Variants in KLB observed in about 807,000 individuals in gnomAD.
The protein encoded by KLB is beta-klotho.
KLB carries 44 observed loss-of-function variants against 88.4 expected under a neutral mutation model. That is an observed-to-expected ratio of 0.50 (90% CI 0.39 to 0.64). The LOEUF (loss-of-function observed/expected upper bound fraction) is 0.64. Ranked by LOEUF, KLB falls within the 30% of genes least tolerant of loss-of-function variation. The pLI, the probability that KLB is intolerant of heterozygous loss-of-function variation, is 0.00. For missense variants in KLB, 1,137 were observed against 1,304.8 expected, an observed-to-expected ratio of 0.87 and a Z score of 1.98; for synonymous variants, 548 against 513.4, an observed-to-expected ratio of 1.07 and a Z score of -0.91.
At chr4:39,414,177 T>G (rs1195196755) in intron 1 of KLB, among the ~76,000 whole-genome samples, 1 of 152,098 alleles carries the variant, frequency 6.6e-6, no homozygotes, top group African/African-American at 2.4e-5. Flanking sequence ...AACAAGGACA[T>G]TGACATGTAA....
chr4:39,411,943 T>C (rs185737153), intron 1 of KLB: 2 of 151,700 alleles, frequency 1.3e-5, no homozygotes, highest in Admixed American at 1.3e-4. Flanking sequence ...TGAGCTTATG[T>C]ATGCATCTGC....
chr4:39,447,112 C>T lies in KLB; in HGVS notation c.2386C>T (p.Arg796Trp), dbSNP rs749658949. 2 of 1,613,288 alleles carry T rather than the reference C, an allele frequency of 1.2e-6. No individual in the cohort carries two copies. The highest frequency in any genetic ancestry group is 3.3e-5 in the Admixed American group (2 of 60,012). ...MREYIASKHRRGLSSSALPRL... is the reference protein window; with the variant it reads ...MREYIASKHRWGLSSSALPRL... ...GGAATACATTGCCTCCAAGCACCGA[C>T]GGGGGCTTTCCAGCTCGGCCCTGCC... The change falls in exon 4 of 5, where the codon CGG becomes TGG. Residue 796 changes from arginine to tryptophan, a missense_variant. By Grantham distance (101) the Arg-to-Trp change is moderately radical. This residue lies in a region of KLB where 426 missense variants were observed against 404.6 expected (regional missense o/e 1.05). Coordinates refer to ENST00000257408, the MANE Select transcript of KLB (RefSeq NM_175737.4).
Position 39,446,372 on chromosome 4 carries a change from A to T in KLB, c.1646A>T (p.His549Leu). The T allele has an allele frequency of 1.2e-6, 2 of 1,614,166 alleles. No individual in the cohort carries two copies. The highest frequency in any genetic ancestry group is 1.7e-6 in the Non-Finnish European group (2 of 1,180,030). The change falls in exon 4 of 5, where the codon CAT becomes CTT. Residue 549 changes from histidine (H) to leucine (L), a missense_variant. This residue lies in a region of KLB where 597 missense variants were observed against 765.2 expected (regional missense o/e 0.78). Transcript: ENST00000257408. The surrounding 1 kb of genome is among the most constrained non-coding windows in gnomAD (Gnocchi z 6.4). ...TCGTCCCCACAGTTCAGCGATCCTCATCTGTACGTGTGGAACGCCACTGGC... is the reference window on the plus strand; with the variant it reads ...TCGTCCCCACAGTTCAGCGATCCTCTTCTGTACGTGTGGAACGCCACTGGC... ...VASSPQFSDP[H>L]LYVWNATGNR... is the part of the protein sequence containing the mutation.
chr4:39,449,006 TG>T lies in KLB; in HGVS notation c.*322del, dbSNP rs1743827867. On this transcript the variant is annotated 3_prime_UTR_variant, in exon 5 of 5. Coordinates refer to ENST00000257408, the MANE Select transcript of KLB (RefSeq NM_175737.4). The stretch of plus-strand genomic sequence containing the variant: ...TTTCATCTCTACCAATAGCTACTTG[TG>T]GTACAATAAATTATTTTTAAGAAGT... The T allele has an allele frequency of 9.0e-6, 2 of 222,392 alleles. No homozygotes were observed. Among genetic ancestry groups the T allele is most frequent in the African/African-American group, 4.6e-5 (2 of 43,952 alleles). 13.8% of individuals were successfully genotyped at this position (222,392 alleles called of 1,614,324 possible). A position where few individuals can be genotyped will look rare whatever the true frequency, so the allele number is the denominator to read the frequency against.
At chr4:39,412,323 A>G (rs1351320869) in intron 1 of KLB, among the ~76,000 whole-genome samples, 1 of 152,166 alleles carries the variant, frequency 6.6e-6, no homozygotes, top group Non-Finnish European at 1.5e-5. Flanking sequence ...CCAGGTAACT[A>G]TTATCCTCAT....
rs760688256 is a variant in KLB, at chr4:39,434,659, G to A, written c.1275G>A (p.Val425=). ...ATGGCTGGTTCACAGACAGTCGTGT[G>A]AAAACAGAAGACACCACGGCCATCT... ...AENGWFTDSR[V]KTEDTTAIYM... The change falls in exon 2 of 5, where the codon GTG becomes GTA. Residue 425 remains valine (V), a synonymous_variant. Transcript: ENST00000257408. 3 of 1,613,954 alleles carry A rather than the reference G, an allele frequency of 1.9e-6. No individual in the cohort carries two copies. The East Asian group carries it at 6.7e-5, about 36-fold the overall frequency.
chr4:39,433,093 C>G (rs868762907), intron 1 of KLB, among the ~76,000 whole-genome samples: 1 of 151,956 alleles, frequency 6.6e-6, no homozygotes, highest in African/African-American at 2.4e-5. Context: ...TTGGCCAGGC[C>G]GGTCTCAAAC....
intron 1 of KLB, among the ~76,000 whole-genome samples, chr4:39,410,145 A>T (rs1207985504): frequency 6.6e-6 from 1 of 152,236 alleles, no homozygotes; most frequent in African/African-American, 2.4e-5. Context: ...TTGAAAAGTC[A>T]TTACCTGGAA....
chr4:39,438,747 A>G (rs570234250), intron 3 of KLB, among the ~76,000 whole-genome samples: 1 of 152,354 alleles, frequency 6.6e-6, no homozygotes, highest in Non-Finnish European at 1.5e-5. Context: ...GAACCAGGTG[A>G]ATGAATGAGC....
Position 39,448,703 on chromosome 4 carries a change from G to A in KLB, c.*17G>A, listed in dbSNP as rs1743820253. On this transcript the variant is annotated 3_prime_UTR_variant, in exon 5 of 5. Coordinates refer to ENST00000257408, the MANE Select transcript of KLB (RefSeq NM_175737.4). ...GTTAGCTAAACTGATCTGTCTGCAT[G>A]ATAGACAGTTTAAAAATTCATCCCA... 1 of 1,589,112 alleles carries A rather than the reference G, an allele frequency of 6.3e-7. No homozygotes were observed. The highest frequency in any genetic ancestry group is 1.1e-5 in the South Asian group (1 of 89,222).
At chr4:39,436,722 T>C (rs987960401) in intron 2 of KLB, among the ~76,000 whole-genome samples, 11 of 151,924 alleles carry the variant, frequency 7.2e-5, no homozygotes, top group Admixed American at 2.0e-4. Context: ...TGTTTTTTTT[T>C]CCCTGAGATG....
rs371027347 is a variant in KLB, at chr4:39,407,445, G to A, written c.496G>A (p.Val166Ile). The A allele has an allele frequency of 1.2e-5, 19 of 1,614,032 alleles. No individual in the cohort carries two copies. In the South Asian group the frequency reaches 1.8e-4, roughly 15 times the overall value. ...GCTTTTCCCCGATGGAATAGTAACA[G>A]TTGCCAACGCAAAAGGTCTGCAGTA... Reference protein sequence around the residue: ...PRLFPDGIVTVANAKGLQYYS... With the variant: ...PRLFPDGIVTIANAKGLQYYS... The change falls in exon 1 of 5, where the codon GTT becomes ATT. Residue 166 changes from valine to isoleucine, a missense_variant. Coordinates refer to ENST00000257408, the MANE Select transcript of KLB (RefSeq NM_175737.4).
chr4:39,434,725 GTTGTACACTTGCTTAATTT>G lies in KLB; in HGVS notation c.1336+8_1336+26del, dbSNP rs1255890950. 6.3e-7 allele frequency: 1 copy of G among 1,581,116 alleles called. No individual in the cohort carries two copies. Among genetic ancestry groups the G allele is most frequent in the South Asian group, 1.2e-5 (1 of 85,824 alleles). ...TCCTCAGCCAGGTGCTTCAAGGTTG[GTTGTACACTTGCTTAATTT>G]TTTAAAAATTCTAAAAACTTACAGG... On this transcript the variant is annotated splice_donor_region_variant and intron_variant, in intron 2 of 4. Coordinates refer to ENST00000257408, the MANE Select transcript of KLB (RefSeq NM_175737.4).
Position 39,439,179 on chromosome 4 carries a change from T to C in KLB, c.1605+1184T>C, listed in dbSNP as rs576273794. Among the ~76,000 whole-genome samples, 19 of 152,154 alleles carry C rather than the reference T, an allele frequency of 1.2e-4. No individual in the cohort carries two copies. In the South Asian group the frequency reaches 2.7e-3, roughly 22 times the overall value. ...TGCCCAGCTAATTTTTTGATTTTTTTGTACAGACAGAGTCTTACTATGTTG... is the reference window on the plus strand; with the variant it reads ...TGCCCAGCTAATTTTTTGATTTTTTCGTACAGACAGAGTCTTACTATGTTG... On this transcript the variant is annotated intron_variant, in intron 3 of 4. Coordinates refer to ENST00000257408, the MANE Select transcript of KLB (RefSeq NM_175737.4).
At chr4:39,419,673 G>C (rs555211441) in intron 1 of KLB, among the ~76,000 whole-genome samples, 158 of 151,788 alleles carry the variant, frequency 1.0e-3, no homozygotes, top group African/African-American at 3.6e-3. Context: ...CTACTCGGGA[G>C]GCTGAGGCTG....
In KLB at chr4:39,448,405, A is replaced by C; in HGVS notation, c.2854A>C (p.Lys952Gln). Reference protein sequence around the residue: ...FGFFTSDFKAKSSIQFYNKVI... With the variant: ...FGFFTSDFKAQSSIQFYNKVI... ...ATTCTTCACATCTGATTTTAAAGCT[A>C]AATCCTCAATACAATTTTACAACAA... Residue 952 changes from lysine (K) to glutamine (Q), a missense_variant, in exon 5 of 5, where the codon AAA (lysine) becomes CAA (glutamine). By Grantham distance (53) the Lys-to-Gln change is moderately conservative. This residue lies in a region of KLB where 426 missense variants were observed against 404.6 expected (regional missense o/e 1.05). Coordinates refer to ENST00000257408, the MANE Select transcript of KLB (RefSeq NM_175737.4). The C allele has an allele frequency of 6.2e-7, 1 of 1,614,132 alleles. No homozygotes were observed. Among genetic ancestry groups the C allele is most frequent in the Non-Finnish European group, 8.5e-7 (1 of 1,179,940 alleles).
At chr4:39,423,297 A>T (rs1743129483) in intron 1 of KLB, among the ~76,000 whole-genome samples, 1 of 151,846 alleles carries the variant, frequency 6.6e-6, no homozygotes, top group Admixed American at 6.6e-5. Flanking sequence ...GAACACCCCA[A>T]ATTTGCTGAC....
At chr4:39,413,858 T>C (rs1742912352) in intron 1 of KLB, among the ~76,000 whole-genome samples, 1 of 152,204 alleles carries the variant, frequency 6.6e-6, no homozygotes, top group South Asian at 2.1e-4. Context: ...GGGGAAAATG[T>C]TATCTTTCAT....
intron 3 of KLB, among the ~76,000 whole-genome samples, chr4:39,442,078 C>CA (rs1312704320): frequency 6.6e-6 from 1 of 151,554 alleles, no homozygotes; most frequent in Non-Finnish European, 1.5e-5. Context: ...CCTGTCTCTA[C>CA]AAAAAAAACT....
Sources: allele counts gnomAD v4.1 joint callset (sites outside exome capture counted in the v4.1 genomes callset), GRCh38; gene constraint gnomAD v4.1.1; regional missense constraint gnomAD v4.1.1; non-coding constraint Gnocchi (gnomAD v3.1); transcripts MANE v1.5; gene names NCBI Gene and HGNC (gene_info 2026-07-23, HGNC 2026-07-21).